TMEM87A: variants seen among roughly 807,000 people sequenced by gnomAD.
TMEM87A encodes transmembrane protein 87A, also known as Golgi-pH regulating cation channel.
A neutral mutation model predicts 90.0 loss-of-function variants in TMEM87A; 50 were observed. The ratio of observed to expected loss-of-function variants is 0.56; its 90% CI spans 0.44 to 0.70. The LOEUF (loss-of-function observed/expected upper bound fraction) is 0.70, where lower values mean the gene tolerates loss of function less well. Among genes scored for constraint, TMEM87A ranks in the 30% least tolerant of loss-of-function variants. The pLI, the probability that TMEM87A is intolerant of heterozygous loss-of-function variation, is 0.00. For missense variants in TMEM87A, 577 were observed against 660.5 expected (o/e 0.87, Z 1.39); for synonymous variants, 226 against 226.7 (o/e 1.00, Z 0.03).
intron 6 of TMEM87A, among the ~76,000 whole-genome samples, chr15:42,248,325 T>C (rs541748426): frequency 3.0e-4 from 46 of 152,296 alleles, no homozygotes; most frequent in Non-Finnish European, 5.6e-4. Context: ...CTATGTTGAA[T>C]AGGAGTAGTG....
intron 2 of TMEM87A, among the ~76,000 whole-genome samples, chr15:42,270,919 T>G (rs751429521): frequency 1.3e-5 from 2 of 152,180 alleles, no homozygotes; most frequent in Non-Finnish European, 2.9e-5. Flanking sequence ...TTCTATTACT[T>G]CCCCACAGTC....
chr15:42,263,420 G>A (rs1328904605), intron 4 of TMEM87A, among the ~76,000 whole-genome samples: 2 of 152,128 alleles, frequency 1.3e-5, no homozygotes, highest in Non-Finnish European at 2.9e-5. Context: ...TTGTTTAATA[G>A]GTATGATGTT....
At chr15:42,255,409 G>A (rs1350335973) in intron 6 of TMEM87A, among the ~76,000 whole-genome samples, 2 of 152,098 alleles carry the variant, frequency 1.3e-5, no homozygotes, top group African/African-American at 2.4e-5. Context: ...TGGGATTACA[G>A]ATGTGAGCCA....
intron 6 of TMEM87A, among the ~76,000 whole-genome samples, chr15:42,244,549 A>C (rs1555407396): frequency 6.6e-6 from 1 of 151,708 alleles, no homozygotes; most frequent in Non-Finnish European, 1.5e-5. Flanking sequence ...ACAAAACTTA[A>C]TGATGGTATC....
chr15:42,264,644 G>A (rs2051361568), intron 3 of TMEM87A, among the ~76,000 whole-genome samples: 1 of 143,232 alleles, frequency 7.0e-6, no homozygotes, highest in Admixed American at 7.0e-5. Flanking sequence ...GAATGGAAAA[G>A]GTCTGAAAAA....
At chr15:42,246,007 T>C (rs936382305) in intron 6 of TMEM87A, among the ~76,000 whole-genome samples, 7 of 152,228 alleles carry the variant, frequency 4.6e-5, no homozygotes, top group African/African-American at 1.7e-4. Flanking sequence ...TTCCAAAACA[T>C]TTTCATCAAC....
chr15:42,269,255 T>C (rs2051465222), intron 2 of TMEM87A, among the ~76,000 whole-genome samples: 1 of 152,204 alleles, frequency 6.6e-6, no homozygotes, highest in Non-Finnish European at 1.5e-5. Flanking sequence ...CTACTTTATA[T>C]AAATGTAATA....
intron 6 of TMEM87A, among the ~76,000 whole-genome samples, chr15:42,248,680 T>C (rs2051025079): frequency 6.6e-6 from 1 of 152,204 alleles, no homozygotes; most frequent in African/African-American, 2.4e-5. Context: ...CTGGATTCGG[T>C]TTGCAAGTAT....
intron 6 of TMEM87A, among the ~76,000 whole-genome samples, chr15:42,245,520 C>CTT (rs550453415): frequency 0.015 from 1,730 of 118,360 alleles, 88 homozygotes; most frequent in African/African-American, 0.051. Flanking sequence ...ACATTTATTA[C>CTT]TTTTTTTTTT....
At chr15:42,237,717 G>C in intron 8 of TMEM87A, 102 bp from the exon 9 acceptor site, 2 of 977,692 alleles carry the variant, frequency 2.0e-6, no homozygotes, top group African/African-American at 1.7e-5. Flanking sequence ...TTTAAGAGAT[G>C]GGGATTTGCT....
chr15:42,248,179 T>G (rs2051014191), intron 6 of TMEM87A, among the ~76,000 whole-genome samples: 1 of 152,204 alleles, frequency 6.6e-6, no homozygotes, highest in South Asian at 2.1e-4. Context: ...AAGGAGATTT[T>G]GGGCTGAGAT....
chr15:42,247,851 C>T (rs1028196048), intron 6 of TMEM87A, among the ~76,000 whole-genome samples: 1 of 152,108 alleles, frequency 6.6e-6, no homozygotes, highest in Non-Finnish European at 1.5e-5. Flanking sequence ...ATGGGGATGG[C>T]ATTGAATCTA....
rs1277379083 is a variant in TMEM87A, at chr15:42,268,021, G to T, written c.217C>A (p.Pro73Thr). The part of the protein sequence containing the change: ...TTIFLKFDGE[P>T]CDLSLNITWY... The stretch of plus-strand genomic sequence containing the variant: ...GTTATATTCAAAGACAGGTCACAAG[G>T]TTCTCCATCAACTACAAAAGAAGAA... The change falls in exon 3 of 20, where the codon CCT becomes ACT. Residue 73 changes from proline (P) to threonine (T), a missense_variant. Coordinates refer to ENST00000389834, the MANE Select transcript of TMEM87A (RefSeq NM_015497.5). 1.9e-6 allele frequency: 3 copies of T among 1,612,150 alleles called. No homozygotes were observed. The East Asian group carries it at 6.7e-5, about 36-fold the overall frequency.
At chr15:42,251,255 T>C (rs1465921080) in intron 6 of TMEM87A, among the ~76,000 whole-genome samples, 2 of 152,220 alleles carry the variant, frequency 1.3e-5, no homozygotes. Context: ...ACTCGTCAAA[T>C]TCATTATCTG....
chr15:42,231,042 C>T (rs1203427176), intron 12 of TMEM87A, 150 bp downstream of exon 12: 8 of 567,722 alleles, frequency 1.4e-5, no homozygotes, highest in Non-Finnish European at 8.9e-6. Context: ...CTTACCTGAA[C>T]CCTCAGGTTG....
intron 16 of TMEM87A, 32 bp from the exon 17 acceptor site, chr15:42,219,674 C>G: frequency 6.8e-7 from 1 of 1,466,028 alleles, no homozygotes; most frequent in Non-Finnish European, 9.3e-7. Context: ...CACTGTTTAA[C>G]TTTGTGAACA....
intron 10 of TMEM87A, among the ~76,000 whole-genome samples, chr15:42,236,033 T>A (rs1030460656): frequency 6.6e-6 from 1 of 152,194 alleles, no homozygotes; most frequent in Admixed American, 6.5e-5. Context: ...TTTGGAAGTA[T>A]GGAAATATAT....
chr15:42,237,104 C>T (rs1435104780), intron 9 of TMEM87A, among the ~76,000 whole-genome samples: 2 of 152,146 alleles, frequency 1.3e-5, no homozygotes, highest in Non-Finnish European at 2.9e-5. Flanking sequence ...TGACATTTTA[C>T]AATTAAATTG....
intron 7 of TMEM87A, among the ~76,000 whole-genome samples, chr15:42,241,311 G>C (rs1368301799): frequency 6.6e-6 from 1 of 152,082 alleles, no homozygotes; most frequent in African/African-American, 2.4e-5. Context: ...CTCTCAGCCA[G>C]ACTAGAAGGA....
Sources: allele counts gnomAD v4.1 joint callset (sites outside exome capture counted in the v4.1 genomes callset), GRCh38; gene constraint gnomAD v4.1.1; transcripts MANE v1.5; gene names NCBI Gene and HGNC (gene_info 2026-07-23, HGNC 2026-07-21).